CRYBG1: variants seen among roughly 807,000 people sequenced by gnomAD.
CRYBG1 encodes crystallin beta-gamma domain containing 1, also known as beta/gamma crystallin domain-containing protein 1.
CRYBG1 carries 139 observed loss-of-function variants against 189.2 expected under a neutral mutation model. The ratio of observed to expected loss-of-function variants is 0.73; its 90% CI spans 0.64 to 0.85. CRYBG1 has a LOEUF of 0.85. Ranked by LOEUF, CRYBG1 falls within the 40% of genes least tolerant of loss-of-function variation. The pLI is 0.00. For missense variants in CRYBG1, 2,611 were observed against 2,675.8 expected (o/e 0.98, Z 0.53); for synonymous variants, 1,023 against 1,017.1 (o/e 1.01, Z -0.11).
At chr6:106,458,455 T>G (rs1562312754) in intron 2 of CRYBG1, among the ~76,000 whole-genome samples, 1 of 152,238 alleles carries the variant, frequency 6.6e-6, no homozygotes, top group East Asian at 1.9e-4. Context: ...TTACCTTGAA[T>G]GTACCTTGAA....
chr6:106,475,726 T>G (rs535789469), intron 2 of CRYBG1, among the ~76,000 whole-genome samples: 5 of 152,336 alleles, frequency 3.3e-5, no homozygotes, highest in African/African-American at 1.2e-4. Context: ...GAGATACAGA[T>G]GGTAGGATTA....
intron 2 of CRYBG1, among the ~76,000 whole-genome samples, chr6:106,502,145 C>G (rs1328477497): frequency 6.6e-6 from 1 of 152,218 alleles, no homozygotes; most frequent in Admixed American, 6.5e-5. Context: ...ACTTAATCAC[C>G]ATCTCCTGCA....
At chr6:106,480,350 G>C (rs74298413) in intron 2 of CRYBG1, among the ~76,000 whole-genome samples, 11,211 of 152,070 alleles carry the variant, frequency 0.074, 658 homozygotes, top group African/African-American at 0.15. Context: ...GTAGCCTGAA[G>C]TTTAGAGGAT....
At chr6:106,492,208 C>T (rs977968951) in intron 2 of CRYBG1, among the ~76,000 whole-genome samples, 1 of 152,130 alleles carries the variant, frequency 6.6e-6, no homozygotes, top group Non-Finnish European at 1.5e-5. Flanking sequence ...TATAGACAAG[C>T]CTATAAGCTT....
chr6:106,553,954 C>T (rs901832303), intron 16 of CRYBG1, among the ~76,000 whole-genome samples: 1 of 152,090 alleles, frequency 6.6e-6, no homozygotes, highest in Middle Eastern at 3.2e-3. Context: ...GGTGGACACG[C>T]GAATCAGGGA....
At position 106,512,742 on chromosome 6, in the gene CRYBG1, C is replaced by T. The variant is rs201166780; in HGVS notation, c.1625C>T (p.Pro542Leu). 3 of 1,570,434 alleles carry T rather than the reference C, an allele frequency of 1.9e-6. No individual in the cohort carries two copies. Among genetic ancestry groups the T allele is most frequent in the Non-Finnish European group, 2.6e-6 (3 of 1,158,324 alleles). ...GPRAPAKESP[P>L]KRVPDPSPVT... is the part of the protein sequence containing the mutation. ...CGGGCTCCCGCCAAGGAGTCCCCACCCAAGAGGGTGCCCGATCCCAGCCCA... is the reference window on the plus strand; with the variant it reads ...CGGGCTCCCGCCAAGGAGTCCCCACTCAAGAGGGTGCCCGATCCCAGCCCA... Residue 542 changes from proline (P) to leucine (L), a missense_variant, in exon 3 of 22, where the codon CCC (proline) becomes CTC (leucine). This residue lies in a region of CRYBG1 where 985 missense variants were observed against 924.4 expected (regional missense o/e 1.07). Transcript: ENST00000633556.
At chr6:106,518,552 T>C (rs973986992) in intron 3 of CRYBG1, among the ~76,000 whole-genome samples, 10 of 152,200 alleles carry the variant, frequency 6.6e-5, no homozygotes, top group Admixed American at 5.9e-4. Context: ...AGTTCATCCC[T>C]CATCCCTAGA....
In CRYBG1 at chr6:106,451,729, G is replaced by A. The variant is rs1023547057; in HGVS notation, c.209G>A (p.Arg70Gln). Residue 70 changes from arginine to glutamine, a missense_variant, in exon 2 of 22, where the codon CGA (arginine) becomes CAA (glutamine). Physicochemically the swap from Arg to Gln is conservative, Grantham distance 43. Coordinates refer to ENST00000633556, the MANE Select transcript of CRYBG1 (RefSeq NM_001371242.2). ...LDVVDGKYVV[R>Q]DSQEFPLHCG... The stretch of plus-strand genomic sequence containing the variant: ...GTAGTCGATGGAAAATATGTGGTTC[G>A]AGACTCCCAGGAATTTCCACTGCAC... 9 of 1,534,370 alleles carry A rather than the reference G, an allele frequency of 5.9e-6. No homozygotes were observed. Among genetic ancestry groups the A allele is most frequent in the East Asian group, 2.4e-5 (1 of 40,882 alleles).
Position 106,361,017 on chromosome 6 carries a change from C to T in CRYBG1, c.109C>T (p.Pro37Ser), listed in dbSNP as rs893570963. 6 of 1,535,314 alleles carry T rather than the reference C, an allele frequency of 3.9e-6. No individual in the cohort carries two copies. The highest frequency in any genetic ancestry group is 2.0e-5 in the Admixed American group (1 of 50,996). Residue 37 changes from proline to serine, a missense_variant, in exon 1 of 22, where the codon CCG becomes TCG. Pro to Ser is a moderately conservative substitution (Grantham distance 74). This residue lies in a region of CRYBG1 where 985 missense variants were observed against 924.4 expected (regional missense o/e 1.07). Coordinates refer to ENST00000633556, the MANE Select transcript of CRYBG1 (RefSeq NM_001371242.2). ...CTGGCGCTCCAAAAAGAAGCAGCAG[C>T]CGGCGCCGCCTGACTGTGGGGTGTT... ...HLWRSKKKQQ[P>S]APPDCGVFVP... is the part of the protein sequence containing the mutation.
chr6:106,379,761 T>C (rs1770251060), intron 1 of CRYBG1, among the ~76,000 whole-genome samples: 1 of 152,070 alleles, frequency 6.6e-6, no homozygotes, highest in Non-Finnish European at 1.5e-5. Flanking sequence ...GGGGTCTCAC[T>C]GTGTTGCCCA....
At chr6:106,361,979 T>C (rs370244478) in intron 1 of CRYBG1, among the ~76,000 whole-genome samples, 495 of 131,364 alleles carry the variant, frequency 3.8e-3, no homozygotes, top group East Asian at 0.01. Flanking sequence ...CTTTTTTTTT[T>C]TTTTTTTCTG....
chr6:106,440,944 G>C (rs1021703386), intron 1 of CRYBG1, among the ~76,000 whole-genome samples: 1 of 152,094 alleles, frequency 6.6e-6, no homozygotes, highest in Non-Finnish European at 1.5e-5. Flanking sequence ...ACAATTCTGT[G>C]ATTTATAACG....
intron 1 of CRYBG1, among the ~76,000 whole-genome samples, chr6:106,377,889 G>A (rs1444342196): frequency 6.6e-6 from 1 of 152,010 alleles, no homozygotes; most frequent in South Asian, 2.1e-4. Context: ...AAATTTATTG[G>A]TATAGAAATG....
At chr6:106,544,303 T>C (rs1023444209) in intron 11 of CRYBG1, among the ~76,000 whole-genome samples, 1 of 152,080 alleles carries the variant, frequency 6.6e-6, no homozygotes, top group African/African-American at 2.4e-5. Flanking sequence ...TTCTTTTGAG[T>C]CAGCCCTGAT....
Position 106,398,251 on chromosome 6 carries a change from A to G in CRYBG1, c.173+37170A>G, listed in dbSNP as rs529232915. 2.6e-5 allele frequency among the ~76,000 whole-genome samples: 4 copies of G among 152,192 alleles called. No individual in the cohort carries two copies. In the South Asian group the frequency reaches 8.3e-4, roughly 32 times the overall value. On this transcript the variant is annotated intron_variant, in intron 1 of 21. Coordinates refer to ENST00000633556, the MANE Select transcript of CRYBG1 (RefSeq NM_001371242.2). ...GCAAACCGGCCAGGTACGTTGGCTC[A>G]CGCCTGTAATCCCAGCACATTAGGA...
intron 16 of CRYBG1, 52 bp from the exon 17 acceptor site, chr6:106,555,716 G>A (rs1274728134): frequency 3.1e-6 from 5 of 1,595,782 alleles, no homozygotes; most frequent in East Asian, 4.5e-5. Flanking sequence ...TTCTTGAATA[G>A]GAGTGCTCAA....
chr6:106,490,579 A>C (rs921991911), intron 2 of CRYBG1, among the ~76,000 whole-genome samples: 14 of 152,118 alleles, frequency 9.2e-5, no homozygotes, highest in Non-Finnish European at 1.9e-4. Flanking sequence ...GTTTATATGA[A>C]TTTTTTTCCA....
rs1051902359 is a variant in CRYBG1, at chr6:106,411,896, AAG to A, written c.174-39789_174-39788del. 3.3e-5 allele frequency among the ~76,000 whole-genome samples: 5 copies of A among 152,268 alleles called. No individual in the cohort carries two copies. The South Asian group carries it at 1.0e-3, about 32-fold the overall frequency. On this transcript the variant is annotated intron_variant, in intron 1 of 21. Coordinates refer to ENST00000633556, the MANE Select transcript of CRYBG1 (RefSeq NM_001371242.2). ...GAAGCAGGCATCTGGCACAAGAAGA[AAG>A]AGAGAGAGCAAGAGGTCCCAGCAAG...
intron 2 of CRYBG1, among the ~76,000 whole-genome samples, chr6:106,454,031 C>T (rs1303692486): frequency 6.6e-6 from 1 of 152,174 alleles, no homozygotes; most frequent in Non-Finnish European, 1.5e-5. Flanking sequence ...CTACTCTCTA[C>T]TCACTGTAAC....
Sources: gnomAD v4.1 joint callset for allele counts (sites outside exome capture counted in the v4.1 genomes callset) on GRCh38, gnomAD v4.1.1 for gene constraint, gnomAD v4.1.1 regional missense constraint, MANE v1.5 for transcripts, NCBI Gene and HGNC (gene_info 2026-07-23, HGNC 2026-07-21) for gene names.